Variants in ZNF487 observed in about 807,000 individuals in gnomAD.
ZNF487 encodes zinc finger protein 487.
Under a neutral mutation model 3.0 loss-of-function variants are expected in ZNF487, and 4 were observed. The ratio of observed to expected loss-of-function variants is 1.35; its 90% CI spans 0.66 to 3.08. The LOEUF (loss-of-function observed/expected upper bound fraction) is 3.08. Ranked by LOEUF, ZNF487 falls within the 30% of genes most tolerant of loss-of-function variation. ZNF487 has a pLI of 0.01. For missense variants in ZNF487, 146 were observed against 98.7 expected (o/e 1.48, Z -2.03); for synonymous variants, 55 against 34.6 (o/e 1.59, Z -2.06).
chr10:43,464,664 T>C (rs1418660447), intron 1 of ZNF487, among the ~76,000 whole-genome samples: 1 of 152,206 alleles, frequency 6.6e-6, no homozygotes, highest in Non-Finnish European at 1.5e-5. Context: ...ACACAGCACA[T>C]GTTTCAGAGA....
At chr10:43,514,835 T>C in the ZNF487 span, among the ~76,000 whole-genome samples, 1 of 152,174 alleles carries the variant, frequency 6.6e-6, no homozygotes, top group Non-Finnish European at 1.5e-5. Context: ...TCACAAGGCA[T>C]TGGTCAAGGG....
intron 3 of ZNF487, among the ~76,000 whole-genome samples, chr10:43,477,049 A>G (rs1264786985): frequency 6.6e-6 from 1 of 152,224 alleles, no homozygotes; most frequent in African/African-American, 2.4e-5. Flanking sequence ...AAATTTAAAC[A>G]AATATTCTTT....
At chr10:43,503,157 C>T in the ZNF487 span, among the ~76,000 whole-genome samples, 1 of 152,044 alleles carries the variant, frequency 6.6e-6, no homozygotes, top group South Asian at 2.1e-4. Context: ...TGAAGACCCT[C>T]CAGTGGAACA....
At chr10:43,501,797 T>TC in the ZNF487 span, among the ~76,000 whole-genome samples, 4 of 151,664 alleles carry the variant, frequency 2.6e-5, no homozygotes, top group Non-Finnish European at 5.9e-5. Context: ...CCTTTTTTTT[T>TC]TCTTTCCAGA....
chr10:43,462,779 T>A (rs900017257), intron 1 of ZNF487, among the ~76,000 whole-genome samples: 1 of 150,890 alleles, frequency 6.6e-6, no homozygotes, highest in Admixed American at 6.6e-5. Flanking sequence ...TTTTTTTTTT[T>A]ATAAATAGAG....
chr10:43,466,740 G>A (rs934167785), intron 1 of ZNF487, among the ~76,000 whole-genome samples: 2 of 152,112 alleles, frequency 1.3e-5, no homozygotes, highest in Non-Finnish European at 2.9e-5. Flanking sequence ...GAGTCCTAAT[G>A]TTCAGAAAAA....
At chr10:43,520,454 T>A in the ZNF487 span, among the ~76,000 whole-genome samples, 1 of 152,178 alleles carries the variant, frequency 6.6e-6, no homozygotes, top group Non-Finnish European at 1.5e-5. Context: ...TTCCAAGAAA[T>A]TGTGATGCAT....
chr10:43,444,351 T>A (rs1839726870), intron 1 of ZNF487, among the ~76,000 whole-genome samples: 3 of 152,210 alleles, frequency 2.0e-5, no homozygotes. Context: ...CAAGATCCCG[T>A]GCTGGTCTGC....
At chr10:43,477,306 T>G (rs1841136219) in intron 3 of ZNF487, among the ~76,000 whole-genome samples, 1 of 151,834 alleles carries the variant, frequency 6.6e-6, no homozygotes, top group African/African-American at 2.4e-5. Context: ...GAGATTCTCA[T>G]ACCTCAGCCT....
the ZNF487 span, among the ~76,000 whole-genome samples, chr10:43,493,720 AT>A: frequency 8.7e-5 from 2 of 22,866 alleles, no homozygotes; most frequent in Admixed American, 5.8e-4. Flanking sequence ...ATATATATAT[AT>A]ATATATATAT....
intron 1 of ZNF487, among the ~76,000 whole-genome samples, chr10:43,456,720 AC>A (rs1840217598): frequency 6.6e-6 from 1 of 152,080 alleles, no homozygotes. Context: ...AGCTGAGATT[AC>A]AGGTGCGCGA....
chr10:43,477,888 T>C (rs1841162079), intron 3 of ZNF487, among the ~76,000 whole-genome samples: 1 of 151,294 alleles, frequency 6.6e-6, no homozygotes, highest in African/African-American at 2.4e-5. Flanking sequence ...CAGCAGACGT[T>C]GGAGTGAGCA....
chr10:43,438,192 T>C (rs905210212), intron 1 of ZNF487, among the ~76,000 whole-genome samples: 12 of 152,068 alleles, frequency 7.9e-5, no homozygotes, highest in African/African-American at 2.7e-4. Context: ...GTTCCATATA[T>C]ATATATATTT....
intron 1 of ZNF487, among the ~76,000 whole-genome samples, chr10:43,444,577 T>C (rs911429096): frequency 6.6e-6 from 1 of 152,042 alleles, no homozygotes; most frequent in Non-Finnish European, 1.5e-5. Flanking sequence ...CGTTTTTTGT[T>C]TGTTTGTTTG....
At chr10:43,444,001 C>T (rs1477373731) in intron 1 of ZNF487, among the ~76,000 whole-genome samples, 3 of 151,960 alleles carry the variant, frequency 2.0e-5, no homozygotes, top group South Asian at 4.2e-4. Flanking sequence ...TGCAGGTGTG[C>T]ACCACCACAC....
chr10:43,513,555 C>G, the ZNF487 span, among the ~76,000 whole-genome samples: 1 of 152,220 alleles, frequency 6.6e-6, no homozygotes, highest in African/African-American at 2.4e-5. Flanking sequence ...CTAATCTCCA[C>G]AGTCTCTCCA....
chr10:43,436,902 C>T (rs1175893570), upstream of ZNF487: 2 of 469,056 alleles, frequency 4.3e-6, no homozygotes, highest in East Asian at 7.0e-5. Context: ...GTGGGGAAGC[C>T]GGACTGCGCC....
the ZNF487 span, among the ~76,000 whole-genome samples, chr10:43,499,648 G>A: frequency 1.3e-5 from 2 of 152,050 alleles, no homozygotes; most frequent in Non-Finnish European, 2.9e-5. Flanking sequence ...CTACTTGTGA[G>A]GCTGAGGTGG....
At chr10:43,442,511 T>G (rs1589018776) in intron 1 of ZNF487, among the ~76,000 whole-genome samples, 1 of 152,250 alleles carries the variant, frequency 6.6e-6, no homozygotes, top group East Asian at 1.9e-4. Flanking sequence ...TGGCACGATC[T>G]CGGCTCACTG....
Sources: gnomAD v4.1 joint callset for allele counts (sites outside exome capture counted in the v4.1 genomes callset) on GRCh38, gnomAD v4.1.1 for gene constraint, MANE v1.5 for transcripts, NCBI Gene and HGNC (gene_info 2026-07-23, HGNC 2026-07-21) for gene names.